Variants in FAF1 observed in about 807,000 individuals in gnomAD.
FAF1 encodes FAS-associated factor 1.
Under a neutral mutation model 92.5 loss-of-function variants are expected in FAF1, and 25 were observed. The ratio of observed to expected loss-of-function variants is 0.27; its 90% CI spans 0.20 to 0.38. The LOEUF (loss-of-function observed/expected upper bound fraction) is 0.38. FAF1 is among the 10% of genes least tolerant of loss of function. FAF1 has a pLI of 1.00. For synonymous variants in FAF1, 234 were observed against 273.2 expected, an observed-to-expected ratio of 0.86 and a Z score of 1.42; for missense variants, 636 against 793.3, an observed-to-expected ratio of 0.80 and a Z score of 2.38.
intron 7 of FAF1, among the ~76,000 whole-genome samples, chr1:50,701,123 G>A (rs968190198): frequency 3.9e-5 from 6 of 152,176 alleles, no homozygotes; most frequent in African/African-American, 1.4e-4. Context: ...CCCAGTTGCA[G>A]AAGAAATTAT....
At chr1:50,512,472 C>T (rs955627995) in intron 15 of FAF1, among the ~76,000 whole-genome samples, 26 of 152,158 alleles carry the variant, frequency 1.7e-4, no homozygotes, top group Non-Finnish European at 3.1e-4. Context: ...AGCCAGTTTT[C>T]CCAACACTAT....
At chr1:50,921,684 C>T (rs569751510) in intron 1 of FAF1, among the ~76,000 whole-genome samples, 5 of 151,746 alleles carry the variant, frequency 3.3e-5, no homozygotes, top group African/African-American at 9.7e-5. Context: ...GGGAGGCTGA[C>T]GTGGGAGGAT....
At chr1:50,512,051 G>A (rs1402029688) in intron 15 of FAF1, among the ~76,000 whole-genome samples, 3 of 152,134 alleles carry the variant, frequency 2.0e-5, no homozygotes, top group Admixed American at 2.0e-4. Flanking sequence ...CTTTTGAGAA[G>A]TGTCTGTTCA....
intron 14 of FAF1, among the ~76,000 whole-genome samples, chr1:50,539,247 C>T (rs1250762311): frequency 6.6e-6 from 1 of 152,122 alleles, no homozygotes; most frequent in African/African-American, 2.4e-5. Context: ...GTACTTCTTC[C>T]AATTAATCAA....
chr1:50,686,703 T>C (rs1435451129), intron 7 of FAF1, among the ~76,000 whole-genome samples: 2 of 152,160 alleles, frequency 1.3e-5, no homozygotes, highest in Non-Finnish European at 2.9e-5. Context: ...AAGAAAACTG[T>C]ATCCAACATT....
chr1:50,748,810 T>C (rs1659732768), intron 4 of FAF1, among the ~76,000 whole-genome samples: 1 of 152,108 alleles, frequency 6.6e-6, no homozygotes, highest in South Asian at 2.1e-4. Flanking sequence ...ACTGATTATA[T>C]TACATATTAA....
chr1:50,517,718 A>T (rs1041901352), intron 15 of FAF1, among the ~76,000 whole-genome samples: 4 of 152,294 alleles, frequency 2.6e-5, no homozygotes, highest in African/African-American at 9.6e-5. Context: ...GTCAAATAAG[A>T]TATTTTTCCA....
At chr1:50,588,814 A>G (rs1051806486) in intron 9 of FAF1, among the ~76,000 whole-genome samples, 1 of 152,224 alleles carries the variant, frequency 6.6e-6, no homozygotes, top group African/African-American at 2.4e-5. Flanking sequence ...AGCCAGTGAA[A>G]TGCACATCCT....
At chr1:50,944,970 G>T (rs963017020) in intron 1 of FAF1, among the ~76,000 whole-genome samples, 3 of 150,112 alleles carry the variant, frequency 2.0e-5, no homozygotes, top group African/African-American at 7.5e-5. Flanking sequence ...TACAATCAGT[G>T]GCAAAACTGG....
chr1:50,917,703 A>AAAGGAAAGGAAAGGAAAGGAAAG (rs1419508834), intron 1 of FAF1, among the ~76,000 whole-genome samples: 1 of 127,780 alleles, frequency 7.8e-6, no homozygotes, highest in African/African-American at 2.8e-5. Flanking sequence ...GGAAAGGAAA[A>AAAGGAAAGGAAAGGAAAGGAAAG]GAAAGAAAAC....
At chr1:50,726,910 C>G (rs1229781730) in intron 6 of FAF1, among the ~76,000 whole-genome samples, 1 of 152,198 alleles carries the variant, frequency 6.6e-6, no homozygotes, top group African/African-American at 2.4e-5. Flanking sequence ...GTGACTAAAG[C>G]AAGTTGCAAA....
chr1:50,572,013 T>C lies in FAF1; in HGVS notation c.1114-4782A>G, dbSNP rs367770718. On this transcript the variant is annotated intron_variant, in intron 12 of 18. Coordinates refer to ENST00000396153, the MANE Select transcript of FAF1 (RefSeq NM_007051.3). ...GTTTTTTTCAGTGTTAAAACTATAG[T>C]ATAAAATAATTTCCTTGTGTAAATT... is the stretch of plus-strand genomic sequence containing the variant. Among the ~76,000 whole-genome samples the C allele has an allele frequency of 3.1e-4, 47 of 152,336 alleles. No individual in the cohort carries two copies. In the East Asian group the frequency reaches 9.0e-3, roughly 29 times the overall value.
intron 15 of FAF1, among the ~76,000 whole-genome samples, chr1:50,512,840 C>A (rs1462613144): frequency 6.6e-6 from 1 of 152,186 alleles, no homozygotes; most frequent in African/African-American, 2.4e-5. Context: ...TGGCCATTTT[C>A]ATGATATTGA....
chr1:50,530,439 G>C (rs924314286), intron 15 of FAF1, among the ~76,000 whole-genome samples: 1 of 144,606 alleles, frequency 6.9e-6, no homozygotes, highest in African/African-American at 2.5e-5. Context: ...CTGCTTTAAA[G>C]AAAACAGCAA....
intron 4 of FAF1, among the ~76,000 whole-genome samples, chr1:50,767,190 T>A (rs1191531224): frequency 6.6e-6 from 1 of 152,088 alleles, no homozygotes; most frequent in East Asian, 1.9e-4. Flanking sequence ...AGTATTAACA[T>A]CAGAATTAGC....
At chr1:50,539,453 T>C (rs1307428253) in intron 14 of FAF1, 139 bp downstream of exon 14, 1 of 555,908 alleles carries the variant, frequency 1.8e-6, no homozygotes, top group African/African-American at 1.9e-5. Context: ...CCTATATTTT[T>C]TGAAGACATT....
chr1:50,886,427 G>C (rs1241854271), intron 1 of FAF1, among the ~76,000 whole-genome samples: 2 of 152,002 alleles, frequency 1.3e-5, no homozygotes, highest in Non-Finnish European at 2.9e-5. Context: ...TATGCACAAT[G>C]TACAGGTTTC....
At chr1:50,879,114 G>A (rs1258654625) in intron 1 of FAF1, among the ~76,000 whole-genome samples, 4 of 152,132 alleles carry the variant, frequency 2.6e-5, no homozygotes, top group Non-Finnish European at 5.9e-5. Flanking sequence ...GGTGTATGGT[G>A]GGCACCTGTA....
chr1:50,479,516 TATC>T (rs1478275333), intron 17 of FAF1, among the ~76,000 whole-genome samples: 1 of 152,214 alleles, frequency 6.6e-6, no homozygotes, highest in East Asian at 1.9e-4. Flanking sequence ...CTGTTGGTGT[TATC>T]ATTTTTGTTA....
Sources: allele counts gnomAD v4.1 joint callset (sites outside exome capture counted in the v4.1 genomes callset), GRCh38; gene constraint gnomAD v4.1.1; transcripts MANE v1.5; gene names NCBI Gene and HGNC (gene_info 2026-07-23, HGNC 2026-07-21).